The following TTC39B variants were observed in gnomAD, a reference collection of about 807,000 sequenced individuals.
TTC39B encodes the protein tetratricopeptide repeat protein 39B.
In TTC39B, 92 loss-of-function variants were observed where a neutral mutation model predicts 96.6. That is an observed-to-expected ratio of 0.95 (90% CI 0.80 to 1.13). The LOEUF (loss-of-function observed/expected upper bound fraction) is 1.13. Among genes scored for constraint, TTC39B ranks in the 50% most tolerant of loss-of-function variants. The probability of loss-of-function intolerance (pLI) is 0.00; values close to 1 mark genes in which losing one functional copy is unlikely to be tolerated. For missense variants in TTC39B, 955 were observed against 809.3 expected (o/e 1.18, Z -2.18); for synonymous variants, 367 against 299.4 (o/e 1.23, Z -2.33).
At chr9:15,276,486 C>T (rs1399459247) in intron 1 of TTC39B, among the ~76,000 whole-genome samples, 2 of 152,200 alleles carry the variant, frequency 1.3e-5, no homozygotes, top group African/African-American at 2.4e-5. Context: ...GTAGTCATGA[C>T]TTGATGACAT....
intron 2 of TTC39B, among the ~76,000 whole-genome samples, chr9:15,259,542 G>T (rs547620909): frequency 5.3e-5 from 8 of 152,140 alleles, no homozygotes; most frequent in Admixed American, 2.6e-4. Context: ...GCCAAAAACT[G>T]GAAAAGACTC....
exon 20 of TTC39B, chr9:15,172,031 A>G: frequency 6.2e-7 from 1 of 1,612,212 alleles, no homozygotes; most frequent in Non-Finnish European, 8.5e-7. Flanking sequence ...AATCTGAGGA[A>G]GGTTTTCTCC....
intron 8 of TTC39B, 45 bp from the exon 9 acceptor site, chr9:15,192,740 T>C (rs761394424): frequency 7.7e-7 from 1 of 1,292,948 alleles, no homozygotes; most frequent in East Asian, 2.3e-5. Context: ...ACCATGACTC[T>C]GAAAATAAAT....
intron 2 of TTC39B, among the ~76,000 whole-genome samples, chr9:15,260,055 A>C (rs1822890244): frequency 6.6e-6 from 1 of 152,102 alleles, no homozygotes. Flanking sequence ...AAATGCATTA[A>C]ATTGTATAAT....
intron 2 of TTC39B, among the ~76,000 whole-genome samples, chr9:15,232,920 G>A (rs1586926549): frequency 6.6e-6 from 1 of 152,094 alleles, no homozygotes; most frequent in Non-Finnish European, 1.5e-5. Context: ...AGACGACGGC[G>A]GCCGCTCAGG....
intron 6 of TTC39B, among the ~76,000 whole-genome samples, chr9:15,205,191 A>G (rs1819775225): frequency 6.6e-6 from 1 of 152,206 alleles, no homozygotes; most frequent in African/African-American, 2.4e-5. Context: ...ATACAGAGTA[A>G]GCACTGGATC....
chr9:15,185,264 A>C lies in TTC39B; in HGVS notation c.1614+16T>G, dbSNP rs369790118. Reference sequence around the variant, plus strand: ...AATTTATTTCTAGTACATGAAAAGAAAATAAAAGCAGATACCAGGGCAGGT... The same window carrying C: ...AATTTATTTCTAGTACATGAAAAGACAATAAAAGCAGATACCAGGGCAGGT... On this transcript the variant is annotated intron_variant, in intron 16 of 19. Coordinates refer to ENST00000512701, the Ensembl canonical transcript of TTC39B. 115 of 1,597,206 alleles carry C rather than the reference A, an allele frequency of 7.2e-5. No homozygotes were observed. The highest frequency in any genetic ancestry group is 8.9e-5 in the Non-Finnish European group (105 of 1,174,308).
intron 15 of TTC39B, 85 bp downstream of exon 15, chr9:15,186,859 C>T (rs1489754634): frequency 1.6e-6 from 2 of 1,253,076 alleles, no homozygotes; most frequent in Non-Finnish European, 2.3e-6. Flanking sequence ...CCAGGCCCAG[C>T]TAATTTTTTG....
chr9:15,165,847 G>A (rs1234752101), exon 20 of TTC39B: 1 of 152,142 alleles, frequency 6.6e-6, no homozygotes, highest in Non-Finnish European at 1.5e-5. Context: ...TAAGAGATTT[G>A]GGTAGAGACA....
intron 4 of TTC39B, 128 bp downstream of exon 4, chr9:15,214,011 G>A: frequency 1.7e-6 from 1 of 588,118 alleles, no homozygotes; most frequent in East Asian, 3.0e-5. Flanking sequence ...CCAAAGTAAA[G>A]AGGTCTGAAC....
chr9:15,227,898 C>T (rs1821212662), intron 2 of TTC39B, among the ~76,000 whole-genome samples: 1 of 152,030 alleles, frequency 6.6e-6, no homozygotes, highest in Admixed American at 6.6e-5. Flanking sequence ...ATTTTGAGGG[C>T]ATACTTAGAA....
At chr9:15,255,093 A>T (rs59779029) in intron 2 of TTC39B, among the ~76,000 whole-genome samples, 1,562 of 152,180 alleles carry the variant, frequency 0.01, 30 homozygotes, top group African/African-American at 0.035. Flanking sequence ...ATTTTAAAAG[A>T]CCGCTGCTGG....
chr9:15,242,554 AC>A (rs1822092958), intron 2 of TTC39B, among the ~76,000 whole-genome samples: 2 of 152,128 alleles, frequency 1.3e-5, no homozygotes, highest in Admixed American at 1.3e-4. Flanking sequence ...CTACACTCCA[AC>A]CTGGGTGACA....
intron 2 of TTC39B, among the ~76,000 whole-genome samples, chr9:15,266,931 A>T (rs535958884): frequency 1.3e-5 from 2 of 152,242 alleles, no homozygotes; most frequent in East Asian, 1.9e-4. Context: ...TACAAAAAAA[A>T]TAGCCTGGCG....
chr9:15,214,530 A>C (rs755147756), intron 3 of TTC39B, among the ~76,000 whole-genome samples: 1 of 152,218 alleles, frequency 6.6e-6, no homozygotes, highest in African/African-American at 2.4e-5. Context: ...ATCGTAGGTA[A>C]CTAATAGCAG....
At chr9:15,273,412 T>G (rs1235230371) in intron 1 of TTC39B, among the ~76,000 whole-genome samples, 2 of 152,134 alleles carry the variant, frequency 1.3e-5, no homozygotes, top group African/African-American at 4.8e-5. Context: ...CGCCAGGTAC[T>G]GTAAATCCAC....
At chr9:15,278,978 T>A (rs909203212) in intron 1 of TTC39B, among the ~76,000 whole-genome samples, 1 of 152,242 alleles carries the variant, frequency 6.6e-6, no homozygotes. Context: ...ATGAGGAAAC[T>A]AAGGCTCAGA....
chr9:15,259,507 G>A (rs1035364059), intron 2 of TTC39B, among the ~76,000 whole-genome samples: 1 of 152,154 alleles, frequency 6.6e-6, no homozygotes, highest in Non-Finnish European at 1.5e-5. Flanking sequence ...GTACACAATT[G>A]TTTATAGCAG....
intron 2 of TTC39B, among the ~76,000 whole-genome samples, chr9:15,262,340 C>A (rs1428355888): frequency 6.6e-6 from 1 of 152,146 alleles, no homozygotes; most frequent in East Asian, 1.9e-4. Flanking sequence ...CTCAGGTGAT[C>A]CACCCACCTC....
Sources: gnomAD v4.1 joint callset for allele counts (sites outside exome capture counted in the v4.1 genomes callset) on GRCh38, gnomAD v4.1.1 for gene constraint, MANE v1.5 for transcripts, NCBI Gene and HGNC (gene_info 2026-07-23, HGNC 2026-07-21) for gene names.